ELAPOR2: variants seen among roughly 807,000 people sequenced by gnomAD.
The protein encoded by ELAPOR2 is endosome/lysosome-associated apoptosis and autophagy regulator family member 2.
In ELAPOR2, 89 loss-of-function variants were observed where a neutral mutation model predicts 120.7. The ratio of observed to expected loss-of-function variants is 0.74; its 90% CI spans 0.62 to 0.88. ELAPOR2 has a LOEUF of 0.88. Among genes scored for constraint, ELAPOR2 ranks in the 40% least tolerant of loss-of-function variants. The pLI is 0.00. For synonymous variants in ELAPOR2, 444 were observed against 444.9 expected (o/e 1.00, Z 0.03); for missense variants, 1,134 against 1,251.6 (o/e 0.91, Z 1.42).
At chr7:86,923,470 G>A (rs1482145806) in intron 10 of ELAPOR2, among the ~76,000 whole-genome samples, 1 of 151,776 alleles carries the variant, frequency 6.6e-6, no homozygotes, top group Non-Finnish European at 1.5e-5. Flanking sequence ...ACTTAACAAT[G>A]TTACATAGCT....
chr7:86,935,302 C>A (rs567213030), intron 8 of ELAPOR2, among the ~76,000 whole-genome samples: 1 of 152,112 alleles, frequency 6.6e-6, no homozygotes, highest in East Asian at 1.9e-4. Flanking sequence ...AGTCACACAT[C>A]CTTTTAGTTC....
intron 8 of ELAPOR2, among the ~76,000 whole-genome samples, chr7:86,930,490 TG>T (rs1790280521): frequency 6.6e-6 from 1 of 151,974 alleles, no homozygotes; most frequent in Non-Finnish European, 1.5e-5. Flanking sequence ...ATCTTTGTCC[TG>T]CTATATAATT....
intron 1 of ELAPOR2, among the ~76,000 whole-genome samples, chr7:87,046,408 A>T (rs1005800185): frequency 6.6e-6 from 1 of 152,214 alleles, no homozygotes; most frequent in Non-Finnish European, 1.5e-5. Context: ...ATCCCTATCA[A>T]AGTACCTACG....
intron 12 of ELAPOR2, among the ~76,000 whole-genome samples, chr7:86,915,432 G>C (rs1789525732): frequency 6.6e-6 from 1 of 151,462 alleles, no homozygotes; most frequent in Admixed American, 6.6e-5. Context: ...CTTCCAAAAG[G>C]TTTAATTTAT....
chr7:86,884,096 A>T (rs985034494), intron 21 of ELAPOR2, among the ~76,000 whole-genome samples: 11 of 152,212 alleles, frequency 7.2e-5, no homozygotes, highest in Non-Finnish European at 1.0e-4. Context: ...GATTCTTTCA[A>T]CTTTTCTGTA....
chr7:87,037,218 T>G (rs1243587230), intron 1 of ELAPOR2, among the ~76,000 whole-genome samples: 2 of 152,126 alleles, frequency 1.3e-5, no homozygotes, highest in Non-Finnish European at 2.9e-5. Context: ...ACCTCTTATG[T>G]ACTCATGGCT....
chr7:87,039,764 G>A (rs930823571), intron 1 of ELAPOR2, among the ~76,000 whole-genome samples: 7 of 152,162 alleles, frequency 4.6e-5, no homozygotes, highest in African/African-American at 1.7e-4. Flanking sequence ...ACCGAGGGAG[G>A]AGCCAAGATG....
At chr7:87,046,992 T>C (rs1034123438) in intron 1 of ELAPOR2, among the ~76,000 whole-genome samples, 1 of 152,130 alleles carries the variant, frequency 6.6e-6, no homozygotes, top group African/African-American at 2.4e-5. Context: ...AACAGACACA[T>C]AGACCAATGG....
intron 1 of ELAPOR2, among the ~76,000 whole-genome samples, chr7:86,990,490 G>A (rs1792909099): frequency 6.6e-6 from 1 of 152,108 alleles, no homozygotes; most frequent in East Asian, 1.9e-4. Flanking sequence ...GCCACCCCTT[G>A]ACCTTGGCCT....
intron 1 of ELAPOR2, among the ~76,000 whole-genome samples, chr7:87,035,440 AAT>A (rs1207822705): frequency 6.6e-6 from 1 of 152,214 alleles, no homozygotes; most frequent in Non-Finnish European, 1.5e-5. Context: ...GCATTATAGC[AAT>A]TATAGCATTA....
At chr7:86,987,339 G>C (rs983501065) in intron 1 of ELAPOR2, among the ~76,000 whole-genome samples, 2 of 152,130 alleles carry the variant, frequency 1.3e-5, no homozygotes, top group African/African-American at 4.8e-5. Context: ...AGCCAAAATA[G>C]ACAAATGAGA....
At chr7:86,909,707 G>A in intron 16 of ELAPOR2, 105 bp downstream of exon 16, 1 of 940,196 alleles carries the variant, frequency 1.1e-6, no homozygotes, top group Admixed American at 2.6e-5. Flanking sequence ...AATTACCTGT[G>A]GGGGCCTTAA....
intron 1 of ELAPOR2, among the ~76,000 whole-genome samples, chr7:87,057,691 A>G (rs1795306174): frequency 6.6e-6 from 1 of 151,770 alleles, no homozygotes; most frequent in Admixed American, 6.6e-5. Context: ...TAGGTTGCAG[A>G]CTCTTCTTTC....
At chr7:86,926,213 C>A (rs1790059834) in intron 9 of ELAPOR2, among the ~76,000 whole-genome samples, 1 of 151,984 alleles carries the variant, frequency 6.6e-6, no homozygotes, top group African/African-American at 2.4e-5. Context: ...TTGACATCTG[C>A]AAAATTGAAA....
chr7:87,038,794 TA>T (rs1242103520), intron 1 of ELAPOR2, among the ~76,000 whole-genome samples: 1 of 151,818 alleles, frequency 6.6e-6, no homozygotes, highest in Non-Finnish European at 1.5e-5. Flanking sequence ...AAAGCAGTAT[TA>T]AGAGGGAAGT....
At chr7:86,975,544 C>T (rs1215283501) in intron 1 of ELAPOR2, among the ~76,000 whole-genome samples, 10 of 152,136 alleles carry the variant, frequency 6.6e-5, no homozygotes, top group Admixed American at 6.5e-4. Context: ...AAACATTAGA[C>T]ACCTGCTGTT....
intron 1 of ELAPOR2, among the ~76,000 whole-genome samples, chr7:87,031,565 T>C (rs971859258): frequency 1.3e-5 from 2 of 152,168 alleles, no homozygotes; most frequent in Non-Finnish European, 2.9e-5. Flanking sequence ...TCAAGATTTA[T>C]CAGAACAGCG....
Position 86,880,427 on chromosome 7 carries a change from C to T in ELAPOR2, c.*44G>A. 1 of 1,372,770 alleles carries T rather than the reference C, an allele frequency of 7.3e-7. No homozygotes were observed. Among genetic ancestry groups the T allele is most frequent in the South Asian group, 1.2e-5 (1 of 85,540 alleles). The allele number at this position is 1,372,770 out of a possible 1,614,324, so 85.0% of individuals were successfully genotyped here. A position where few individuals can be genotyped will look rare whatever the true frequency, so the allele number is the denominator to read the frequency against. On this transcript the variant is annotated 3_prime_UTR_variant, in exon 22 of 22. Coordinates refer to ENST00000450689, the MANE Select transcript of ELAPOR2 (RefSeq NM_001142749.3). ...AAAATATGGTCCTGTAAAACTAGAG[C>T]AGGTTTCTTTGTTCATTAGTCTCAA...
chr7:86,897,108 A>C (rs1300779520), intron 19 of ELAPOR2, among the ~76,000 whole-genome samples: 1 of 152,158 alleles, frequency 6.6e-6, no homozygotes, highest in East Asian at 1.9e-4. Flanking sequence ...GAATGCACAG[A>C]AGCTATAGAG....
Sources: gnomAD v4.1 joint callset for allele counts (sites outside exome capture counted in the v4.1 genomes callset) on GRCh38, gnomAD v4.1.1 for gene constraint, MANE v1.5 for transcripts, NCBI Gene and HGNC (gene_info 2026-07-23, HGNC 2026-07-21) for gene names.